The following IFI27 variants were observed in gnomAD, a reference collection of about 807,000 sequenced individuals.
The protein encoded by IFI27 is interferon alpha-inducible protein 27, mitochondrial.
IFI27 carries 3 observed loss-of-function variants against 8.9 expected under a neutral mutation model. The observed-to-expected ratio is 0.34, with a 90% confidence interval of 0.15 to 0.87. IFI27 has a LOEUF of 0.87. Ranked by LOEUF, IFI27 falls within the 40% of genes least tolerant of loss-of-function variation. The pLI is 0.51. For synonymous variants in IFI27, 66 were observed against 67.3 expected, an observed-to-expected ratio of 0.98 and a Z score of 0.09; for missense variants, 152 against 157.7, an observed-to-expected ratio of 0.96 and a Z score of 0.19.
upstream of IFI27, among the ~76,000 whole-genome samples, chr14:94,110,316 C>G (rs1238711125): frequency 6.6e-6 from 1 of 152,226 alleles, no homozygotes; most frequent in East Asian, 1.9e-4. Flanking sequence ...GTCCCAGTGC[C>G]TAGTCAGTAT....
At chr14:94,113,328 C>G (rs1887263077) in intron 2 of IFI27, 1 of 152,182 alleles carries the variant, frequency 6.6e-6, no homozygotes, top group East Asian at 1.9e-4. Flanking sequence ...ACGGTAAAAC[C>G]CTGTCTCTAC....
chr14:94,114,340 C>A, intron 2 of IFI27: 1 of 158,268 alleles, frequency 6.3e-6, no homozygotes, highest in Non-Finnish European at 1.4e-5. Context: ...AAACACTGAC[C>A]CTGCTTCGGA....
intron 3 of IFI27, 23 bp from the exon 4 acceptor site, chr14:94,115,758 G>A (rs200510381): frequency 1.5e-5 from 24 of 1,600,564 alleles, no homozygotes; most frequent in African/African-American, 1.2e-4. Flanking sequence ...CCCACGCACC[G>A]ACCCAGCTCC....
upstream of IFI27, among the ~76,000 whole-genome samples, chr14:94,109,694 C>T (rs909117499): frequency 6.6e-6 from 1 of 152,206 alleles, no homozygotes; most frequent in Non-Finnish European, 1.5e-5. Flanking sequence ...TTCCTGTTAG[C>T]AGGCAAACGG....
intron 2 of IFI27, chr14:94,113,356 G>C (rs1323446716): frequency 1.3e-5 from 2 of 152,204 alleles, no homozygotes; most frequent in Non-Finnish European, 2.9e-5. Flanking sequence ...ACAAATATTA[G>C]CTAGGCATGG....
At position 94,116,648 on chromosome 14, in the gene IFI27, G is replaced by C. The variant is rs2139305756; in HGVS notation, c.*121G>C. The stretch of plus-strand genomic sequence containing the variant: ...CCTGGGGTGAAATATACCAAATTCT[G>C]CATCTCCAGAGGAAAATAAGAAATA... On this transcript the variant is annotated 3_prime_UTR_variant, in exon 5 of 5. Coordinates refer to ENST00000621160, the Ensembl canonical transcript of IFI27. The surrounding 1 kb of genome is among the most constrained non-coding windows in gnomAD (Gnocchi z 4.3). The C allele has an allele frequency of 1.4e-6, 1 of 694,472 alleles. No homozygotes were observed. The highest frequency in any genetic ancestry group is 2.6e-6 in the Non-Finnish European group (1 of 388,294). 43.0% of individuals were successfully genotyped at this position (694,472 alleles called of 1,614,324 possible). A position where few individuals can be genotyped will look rare whatever the true frequency, so the allele number is the denominator to read the frequency against.
At chr14:94,112,168 T>C (rs1486387307) in intron 2 of IFI27, 3 of 199,678 alleles carry the variant, frequency 1.5e-5, no homozygotes, top group Admixed American at 1.1e-4. Context: ...ACATCCAGAG[T>C]ATCGATTTTA....
In IFI27 at chr14:94,116,459, G is replaced by A. The variant is rs534344668; in HGVS notation, c.301G>A (p.Gly101Arg). Residue 101 changes from glycine to arginine, a missense_variant, in exon 5 of 5, where the codon GGA (glycine) becomes AGA (arginine). Physicochemically the swap from Gly to Arg is moderately radical, Grantham distance 125 (BLOSUM62 -2). Coordinates refer to ENST00000621160, the Ensembl canonical transcript of IFI27. This position sits in a 1 kb window ranked among gnomAD's most constrained non-coding sequence, Gnocchi z 4.3. Reference sequence around the variant, plus strand: ...CTTCCCAGGAGCAACTGGACTCTCCGGATTGACCAAGTTCATCCTGGGCTC... The same window carrying A: ...CTTCCCAGGAGCAACTGGACTCTCCAGATTGACCAAGTTCATCCTGGGCTC... The A allele has an allele frequency of 1.5e-5, 25 of 1,612,912 alleles. No individual in the cohort carries two copies. The highest frequency in any genetic ancestry group is 7.7e-5 in the South Asian group (7 of 90,708).
intron 3 of IFI27, chr14:94,115,478 C>T: frequency 3.3e-6 from 2 of 613,210 alleles, no homozygotes; most frequent in Admixed American, 2.4e-5. Context: ...CTCCCCTGGT[C>T]CAGCATTTGG....
chr14:94,115,635 C>T (rs900666445), intron 3 of IFI27, 146 bp from the exon 4 acceptor site: 29 of 771,440 alleles, frequency 3.8e-5, no homozygotes, highest in East Asian at 2.1e-4. Flanking sequence ...CCCCTTGATT[C>T]GTGCCTATTG....
At chr14:94,109,151 C>A (rs1220226580), upstream of IFI27, among the ~76,000 whole-genome samples, 1 of 151,800 alleles carries the variant, frequency 6.6e-6, no homozygotes, top group Non-Finnish European at 1.5e-5. Context: ...AAAAATTAGC[C>A]GGGCATGGTG....
upstream of IFI27, among the ~76,000 whole-genome samples, chr14:94,109,614 C>T (rs1278709536): frequency 6.6e-6 from 1 of 152,168 alleles, no homozygotes; most frequent in Non-Finnish European, 1.5e-5. Context: ...GGCTCGCTCT[C>T]CCTGTGCTTC....
At chr14:94,110,493 A>C (rs1384967283), upstream of IFI27, among the ~76,000 whole-genome samples, 1 of 152,226 alleles carries the variant, frequency 6.6e-6, no homozygotes, top group Non-Finnish European at 1.5e-5. Context: ...TGCGTAGAGC[A>C]CACTCCCATC....
chr14:94,112,548 G>A (rs1300338206), intron 2 of IFI27, among the ~76,000 whole-genome samples: 3 of 152,212 alleles, frequency 2.0e-5, no homozygotes, highest in African/African-American at 7.2e-5. Flanking sequence ...CTCCGTGGGT[G>A]GACATCCAGG....
chr14:94,115,748 C>T (rs1392403478), intron 3 of IFI27, 33 bp from the exon 4 acceptor site: 2 of 1,593,288 alleles, frequency 1.3e-6, no homozygotes, highest in Non-Finnish European at 1.7e-6. Flanking sequence ...CCCTTCTGAG[C>T]CCACGCACCG....
chr14:94,115,569 C>T, intron 3 of IFI27: 8 of 613,782 alleles, frequency 1.3e-5, no homozygotes, highest in Non-Finnish European at 2.0e-5. Context: ...GGCCCAGAGC[C>T]CTGTGCCCAG....
At chr14:94,107,992 C>G (rs116402571), upstream of IFI27, among the ~76,000 whole-genome samples, 40 of 152,272 alleles carry the variant, frequency 2.6e-4, no homozygotes, top group African/African-American at 8.2e-4. Flanking sequence ...CCTCACCCAG[C>G]CCCCTTCCCC....
intron 2 of IFI27, chr14:94,114,175 T>C (rs547464262): frequency 6.6e-6 from 1 of 152,384 alleles, no homozygotes; most frequent in Admixed American, 6.5e-5. Flanking sequence ...CATTCAAGCA[T>C]TGCTCTCATG....
chr14:94,110,369 G>GA (rs150013922), upstream of IFI27, among the ~76,000 whole-genome samples: 242 of 152,284 alleles, frequency 1.6e-3, 1 homozygote, highest in African/African-American at 5.6e-3. Context: ...TTGAAAAACG[G>GA]AACATCTGCC....
Sources: allele counts gnomAD v4.1 joint callset (sites outside exome capture counted in the v4.1 genomes callset), GRCh38; gene constraint gnomAD v4.1.1; non-coding constraint Gnocchi (gnomAD v3.1); transcripts MANE v1.5; gene names NCBI Gene and HGNC (gene_info 2026-07-23, HGNC 2026-07-21).